Variants in PLB1 observed in about 807,000 individuals in gnomAD.
PLB1 encodes phospholipase B1.
In PLB1, 242 loss-of-function variants were observed where a neutral mutation model predicts 227.4. That is an observed-to-expected ratio of 1.06 (90% CI 0.96 to 1.18). The LOEUF (loss-of-function observed/expected upper bound fraction) is 1.18, where lower values mean the gene tolerates loss of function less well. PLB1 is among the 50% of genes most tolerant of loss of function. The probability of loss-of-function intolerance (pLI) is 0.00; values close to 1 mark genes in which losing one functional copy is unlikely to be tolerated. For missense variants in PLB1, 1,858 were observed against 1,816.3 expected (o/e 1.02, Z -0.42); for synonymous variants, 757 against 682.2 (o/e 1.11, Z -1.71).
intron 54 of PLB1, among the ~76,000 whole-genome samples, chr2:28,631,007 G>A (rs1458785742): frequency 6.6e-6 from 1 of 151,958 alleles, no homozygotes; most frequent in East Asian, 1.9e-4. Flanking sequence ...AAAAGGCTTA[G>A]GCCCGACACA....
intron 57 of PLB1, 62 bp downstream of exon 57, chr2:28,641,063 C>T: frequency 1.3e-6 from 2 of 1,511,110 alleles, no homozygotes; most frequent in Non-Finnish European, 1.8e-6. Context: ...TTGTCCTGTC[C>T]CCTGGAAGCA....
At chr2:28,541,909 G>C in intron 13 of PLB1, 98 bp downstream of exon 13, 1 of 923,642 alleles carries the variant, frequency 1.1e-6, no homozygotes, top group African/African-American at 1.6e-5. Flanking sequence ...GAGGTGGGTG[G>C]ATTACTTGAG....
At chr2:28,504,152 C>G (rs1027526389) in intron 1 of PLB1, among the ~76,000 whole-genome samples, 5 of 152,100 alleles carry the variant, frequency 3.3e-5, no homozygotes, top group African/African-American at 1.2e-4. Context: ...TCTGGAATGC[C>G]AGCACAACGT....
At chr2:28,561,300 C>A (rs1676024970) in intron 17 of PLB1, among the ~76,000 whole-genome samples, 1 of 120,902 alleles carries the variant, frequency 8.3e-6, no homozygotes, top group Admixed American at 9.0e-5. Context: ...GCTGCCACAT[C>A]ACACGGAATG....
chr2:28,531,341 C>T (rs1329677760), intron 8 of PLB1, among the ~76,000 whole-genome samples: 2 of 151,892 alleles, frequency 1.3e-5, no homozygotes, highest in East Asian at 1.9e-4. Context: ...GACAGAGTTT[C>T]GCTCTTGTTG....
At chr2:28,588,976 C>T (rs370980107) in intron 26 of PLB1, among the ~76,000 whole-genome samples, 3,571 of 151,704 alleles carry the variant, frequency 0.024, 156 homozygotes, top group African/African-American at 0.083. Flanking sequence ...CCAGCCTGGC[C>T]AACATAGTGA....
At chr2:28,585,544 T>C (rs1321050014) in intron 25 of PLB1, 1 of 482,804 alleles carries the variant, frequency 2.1e-6, no homozygotes, top group Non-Finnish European at 3.9e-6. Flanking sequence ...ACCAAAGTGC[T>C]GGCATTACAG....
intron 20 of PLB1, among the ~76,000 whole-genome samples, chr2:28,567,815 T>C (rs774247939): frequency 1.3e-5 from 2 of 152,214 alleles, no homozygotes; most frequent in Admixed American, 6.5e-5. Context: ...TTTAAAATTC[T>C]CGCCAGTGCG....
intron 38 of PLB1, 37 bp from the exon 39 acceptor site, chr2:28,602,784 C>T (rs751780609): frequency 6.3e-7 from 1 of 1,580,280 alleles, no homozygotes; most frequent in Non-Finnish European, 8.7e-7. Flanking sequence ...GGAAGAAGTG[C>T]CTGGAGCCCC....
At chr2:28,634,134 T>TTATG (rs1434034589) in intron 56 of PLB1, among the ~76,000 whole-genome samples, 2 of 152,196 alleles carry the variant, frequency 1.3e-5, no homozygotes, top group African/African-American at 4.8e-5. Flanking sequence ...CAGACTCAGC[T>TTATG]TATGTCGACT....
At chr2:28,561,894 GATAAAA>G (rs1293123886) in intron 17 of PLB1, among the ~76,000 whole-genome samples, 2 of 147,728 alleles carry the variant, frequency 1.4e-5, no homozygotes, top group Admixed American at 1.4e-4. Context: ...TGTCTCAAAA[GATAAAA>G]ATAAAATGAA....
intron 6 of PLB1, among the ~76,000 whole-genome samples, chr2:28,528,006 A>G (rs1404201646): frequency 2.6e-5 from 4 of 152,096 alleles, no homozygotes; most frequent in Non-Finnish European, 5.9e-5. Flanking sequence ...CTTTCCCACT[A>G]CAGGTGGAAA....
At chr2:28,573,025 C>T (rs757432095) in intron 20 of PLB1, among the ~76,000 whole-genome samples, 172 bp from the exon 21 acceptor site, 10 of 152,190 alleles carry the variant, frequency 6.6e-5, no homozygotes, top group African/African-American at 1.2e-4. Context: ...GCTGCCCTGT[C>T]GTTAAGCGCC....
intron 32 of PLB1, 114 bp downstream of exon 32, chr2:28,592,833 C>A: frequency 2.1e-6 from 2 of 931,316 alleles, no homozygotes; most frequent in Non-Finnish European, 3.2e-6. Flanking sequence ...GCCCCTCTAC[C>A]TGGCTCTGTC....
chr2:28,550,178 T>TG, intron 16 of PLB1, 94 bp downstream of exon 16: 4 of 1,010,644 alleles, frequency 4.0e-6, no homozygotes, highest in Non-Finnish European at 5.7e-6. Context: ...TGGTTTTTTT[T>TG]TTTTTTTCTT....
intron 33 of PLB1, chr2:28,594,135 T>C (rs1682502740): frequency 1.9e-6 from 1 of 513,172 alleles, no homozygotes; most frequent in South Asian, 1.5e-5. Flanking sequence ...TGTTTATTCA[T>C]GTTGTCTTGT....
chr2:28,497,088 G>A (rs548034514), intron 1 of PLB1, among the ~76,000 whole-genome samples: 114 of 152,330 alleles, frequency 7.5e-4, no homozygotes, highest in Non-Finnish European at 1.4e-3. Context: ...TTACTGATGA[G>A]GCCAAGGAGT....
chr2:28,518,579 C>G (rs961814068), intron 3 of PLB1, 47 bp downstream of exon 3: 5 of 1,450,908 alleles, frequency 3.4e-6, no homozygotes, highest in Non-Finnish European at 4.8e-6. Context: ...CGTTTTCTCT[C>G]TGAAGTGGCC....
chr2:28,552,347 C>A (rs1202469483), intron 16 of PLB1, among the ~76,000 whole-genome samples: 1 of 152,134 alleles, frequency 6.6e-6, no homozygotes, highest in Non-Finnish European at 1.5e-5. Flanking sequence ...AATATGGAGA[C>A]TTAGGTCAAG....
Sources: allele counts gnomAD v4.1 joint callset (sites outside exome capture counted in the v4.1 genomes callset), GRCh38; gene constraint gnomAD v4.1.1; transcripts MANE v1.5; gene names NCBI Gene and HGNC (gene_info 2026-07-23, HGNC 2026-07-21).